The following TFIP11 variants were observed in gnomAD, a reference collection of about 807,000 sequenced individuals.
The protein encoded by TFIP11 is tuftelin-interacting protein 11.
Under a neutral mutation model 96.8 loss-of-function variants are expected in TFIP11, and 86 were observed. That is an observed-to-expected ratio of 0.89 (90% CI 0.75 to 1.06). The LOEUF (loss-of-function observed/expected upper bound fraction) is 1.06. TFIP11 is among the 50% of genes least tolerant of loss of function. The pLI, the probability that TFIP11 is intolerant of heterozygous loss-of-function variation, is 0.00. For missense variants in TFIP11, 881 were observed against 1,076.7 expected (o/e 0.82, Z 2.54); for synonymous variants, 405 against 395.2 (o/e 1.02, Z -0.29).
Position 26,496,852 on chromosome 22 carries a change from T to C in TFIP11, c.1474A>G (p.Ile492Val). The change falls in exon 11 of 15, where the codon ATT becomes GTT. Residue 492 changes from isoleucine to valine, a missense_variant. Ile to Val is a conservative substitution (Grantham distance 29, BLOSUM62 3). Transcript: ENST00000407690. ...TTCCTTGGCTGCCACTGGGTGACAA[T>C]ATTTCGAACAAAAGGCATCCAGACT... ...WEVWMPFVRN[I>V]VTQWQPRNCD... The C allele has an allele frequency of 1.9e-6, 3 of 1,614,098 alleles. No individual in the cohort carries two copies. The highest frequency in any genetic ancestry group is 2.5e-6 in the Non-Finnish European group (3 of 1,180,028).
Position 26,501,915 on chromosome 22 carries a change from T to G in TFIP11, c.786A>C (p.Glu262Asp). The part of the protein sequence containing the change: ...ISKKLTAPQK[E>D]LSQVKVIDMT... The stretch of plus-strand genomic sequence containing the variant: ...GCCCCTGTACCTTGACTTGAGAAAG[T>G]TCCTTCTGGGGAGCAGTGAGCTTCT... Residue 262 changes from glutamate (E) to aspartate (D), a missense_variant, in exon 8 of 15, where the codon GAA becomes GAC. Transcript: ENST00000407690. 2 of 1,613,146 alleles carry G rather than the reference T, an allele frequency of 1.2e-6. No homozygotes were observed. Among genetic ancestry groups the G allele is most frequent in the South Asian group, 2.2e-5 (2 of 90,996 alleles).
chr22:26,498,700 A>G, intron 10 of TFIP11, 169 bp downstream of exon 10: 1 of 600,558 alleles, frequency 1.7e-6, no homozygotes, highest in Middle Eastern at 4.6e-4. Flanking sequence ...TTTCAAAAAA[A>G]TTAAAAAAAA....
At chr22:26,509,306 T>C (rs1202457394) in intron 4 of TFIP11, among the ~76,000 whole-genome samples, 1 of 152,204 alleles carries the variant, frequency 6.6e-6, no homozygotes, top group Non-Finnish European at 1.5e-5. Context: ...AGTTACCTTC[T>C]ACTGTCAGTC....
chr22:26,496,975 G>C, intron 10 of TFIP11, 86 bp from the exon 11 acceptor site: 1 of 1,500,244 alleles, frequency 6.7e-7, no homozygotes, highest in Non-Finnish European at 9.1e-7. Context: ...TCTAGAATCA[G>C]GAATAAAAAT....
intron 4 of TFIP11, among the ~76,000 whole-genome samples, chr22:26,507,994 G>A (rs976889411): frequency 1.3e-5 from 2 of 151,780 alleles, no homozygotes; most frequent in South Asian, 4.2e-4. Flanking sequence ...GTAATCCCAC[G>A]CCACTCAGGA....
intron 4 of TFIP11, among the ~76,000 whole-genome samples, chr22:26,509,021 C>A (rs1445169800): frequency 1.3e-5 from 2 of 152,088 alleles, no homozygotes; most frequent in Non-Finnish European, 2.9e-5. Context: ...ATCCTCATTG[C>A]CCACCACTAT....
chr22:26,508,014 A>G (rs571640264), intron 4 of TFIP11, among the ~76,000 whole-genome samples: 33 of 152,126 alleles, frequency 2.2e-4, no homozygotes, highest in Non-Finnish European at 2.9e-4. Context: ...AGGCTGACGC[A>G]TGAGAAACGC....
At position 26,496,222 on chromosome 22, in the gene TFIP11, T is replaced by C; in HGVS notation, c.1700A>G (p.Tyr567Cys). The C allele has an allele frequency of 6.2e-7, 1 of 1,613,728 alleles. No individual in the cohort carries two copies. The highest frequency in any genetic ancestry group is 2.2e-5 in the East Asian group (1 of 44,862). ...GGACAGCTTACTACGGATGGGGGAATAGAGTGGCTCCAGCCGTGCCTGCAT... is the reference window on the plus strand; with the variant it reads ...GGACAGCTTACTACGGATGGGGGAACAGAGTGGCTCCAGCCGTGCCTGCAT... The part of the protein sequence containing the change: ...PLMQARLEPL[Y>C]SPIRSKLSSA... Residue 567 changes from tyrosine to cysteine, a missense_variant, in exon 12 of 15, where the codon TAT becomes TGT. Transcript: ENST00000407690.
Position 26,499,174 on chromosome 22 carries a change from C to A in TFIP11, c.1259G>T (p.Arg420Leu), listed in dbSNP as rs144296284. 5.0e-6 allele frequency: 8 copies of A among 1,609,014 alleles called. No individual in the cohort carries two copies. The highest frequency in any genetic ancestry group is 4.4e-5 in the South Asian group (4 of 90,310). The change falls in exon 9 of 15, where the codon CGT becomes CTT. Residue 420 changes from arginine to leucine, a missense_variant. Physicochemically the swap from Arg to Leu is moderately radical, Grantham distance 102 (BLOSUM62 -2). Coordinates refer to ENST00000407690, the MANE Select transcript of TFIP11 (RefSeq NM_012143.4). ...GACGATGGCCACAGCAAGGTCCACA[C>A]GGTCGGACATCCTGTACTCCTCATA... Reference protein sequence around the residue: ...KYYEEYRMSDRVDLAVAIVYP... With the variant: ...KYYEEYRMSDLVDLAVAIVYP...
At chr22:26,493,069 T>A (rs1315176836) in intron 14 of TFIP11, 1 of 151,976 alleles carries the variant, frequency 6.6e-6, no homozygotes, top group African/African-American at 2.4e-5. Context: ...TCTTGTCACC[T>A]AGGCTGGAGT....
intron 14 of TFIP11, 157 bp downstream of exon 14, chr22:26,493,982 C>T: frequency 1.3e-6 from 1 of 756,946 alleles, no homozygotes; most frequent in Non-Finnish European, 2.1e-6. Flanking sequence ...TGACCATGTA[C>T]CCCAGTCAGC....
In TFIP11 at chr22:26,498,923, T is replaced by C. The variant is rs1329343562; in HGVS notation, c.1382A>G (p.Asn461Ser). The change falls in exon 10 of 15, where the codon AAT becomes AGT. Residue 461 changes from asparagine (N) to serine (S), a missense_variant. Physicochemically the swap from Asn to Ser is conservative, Grantham distance 46. Transcript: ENST00000407690. ...IISKWKSLLE[N>S]DQLLSHGGQD... ...TCCGCCATGGGACAAGAGCTGGTCA[T>C]TCTCTAGGAGGCTTTTCCACTTAGA... The C allele has an allele frequency of 6.2e-7, 1 of 1,613,786 alleles. No homozygotes were observed. The highest frequency in any genetic ancestry group is 8.5e-7 in the Non-Finnish European group (1 of 1,179,940).
In TFIP11 at chr22:26,494,712, G is replaced by T. The variant is rs1461478209; in HGVS notation, c.1992+85C>A. ...TGTAATTTATTTTCATTATGGAATT[G>T]TACCTACAGTCAGGCCTTGGCAGAA... On this transcript the variant is annotated intron_variant, in intron 13 of 14. Coordinates refer to ENST00000407690, the MANE Select transcript of TFIP11 (RefSeq NM_012143.4). The T allele has an allele frequency of 3.2e-6, 5 of 1,559,858 alleles. No homozygotes were observed. In the East Asian group the frequency reaches 1.1e-4, roughly 35 times the overall value.
rs1235825992 is a variant in TFIP11 at position 26,502,026 on chromosome 22, CCA to C, written c.673_674del (p.Trp225GlufsTer28). 1 of 1,613,962 alleles carries C rather than the reference CCA, an allele frequency of 6.2e-7. No homozygotes were observed. Among genetic ancestry groups the C allele is most frequent in the Non-Finnish European group, 8.5e-7 (1 of 1,180,012 alleles). On this transcript the variant is annotated frameshift_variant, in exon 8 of 15. Coordinates refer to ENST00000407690, the MANE Select transcript of TFIP11 (RefSeq NM_012143.4). LOFTEE classifies it high-confidence loss of function. ...EEEFQKELSQWRKDPSGSKKK... is the reference protein window; with the variant it reads ...EEEFQKELSQXRKDPSGSKKK... ...TCTTGCTTCCACTTGGGTCTTTCCT[CCA>C]CTGGCTCAGCTCCTTCTGAAACTCC...
chr22:26,498,529 G>A (rs1160715839), intron 10 of TFIP11, among the ~76,000 whole-genome samples: 1 of 129,528 alleles, frequency 7.7e-6, no homozygotes, highest in Non-Finnish European at 1.6e-5. Flanking sequence ...GTGACAGAGT[G>A]AGACTCCATC....
intron 10 of TFIP11, 43 bp downstream of exon 10, chr22:26,498,826 A>G: frequency 1.3e-6 from 2 of 1,522,516 alleles, no homozygotes; most frequent in Non-Finnish European, 1.8e-6. Context: ...CCAACCCCCC[A>G]GGAGAAAGGA....
intron 10 of TFIP11, among the ~76,000 whole-genome samples, chr22:26,497,695 G>A (rs1047371113): frequency 6.6e-6 from 1 of 152,134 alleles, no homozygotes; most frequent in African/African-American, 2.4e-5. Context: ...GGCCAACATG[G>A]TGAAACCCTG....
intron 14 of TFIP11, 111 bp downstream of exon 14, chr22:26,494,028 C>T: frequency 1.6e-6 from 2 of 1,273,692 alleles, no homozygotes; most frequent in Non-Finnish European, 1.1e-6. Context: ...AAAAGTGTGA[C>T]CTAAGGTTTA....
chr22:26,510,681 T>A lies in TFIP11; in HGVS notation c.-74A>T, dbSNP rs1445529463. The A allele has an allele frequency of 5.8e-6, 1 of 171,812 alleles. No individual in the cohort carries two copies. The highest frequency in any genetic ancestry group is 1.3e-5 in the Non-Finnish European group (1 of 79,238). 10.6% of individuals were successfully genotyped at this position (171,812 alleles called of 1,614,324 possible). On this transcript the variant is annotated 5_prime_UTR_variant, in exon 3 of 15. Transcript: ENST00000407690. Reference sequence around the variant, plus strand: ...TTTTTTCTATTACTGAGGAAAGAATTATATCTGGATCCTTGGTGGTCCTAG... The same window carrying A: ...TTTTTTCTATTACTGAGGAAAGAATAATATCTGGATCCTTGGTGGTCCTAG...
Sources: gnomAD v4.1 joint callset for allele counts (sites outside exome capture counted in the v4.1 genomes callset) on GRCh38, gnomAD v4.1.1 for gene constraint, MANE v1.5 for transcripts, NCBI Gene and HGNC (gene_info 2026-07-23, HGNC 2026-07-21) for gene names.